Variants in ROBO1 observed in about 807,000 individuals in gnomAD.
The protein encoded by ROBO1 is roundabout homolog 1.
ROBO1 carries 149 observed loss-of-function variants against 195.9 expected under a neutral mutation model. The observed-to-expected ratio is 0.76, with a 90% CI of 0.67 to 0.87. The LOEUF (loss-of-function observed/expected upper bound fraction) is 0.87, where lower values mean the gene tolerates loss of function less well. Among genes scored for constraint, ROBO1 ranks in the 40% least tolerant of loss-of-function variants. ROBO1 has a pLI of 0.00. For missense variants in ROBO1, 1,933 were observed against 2,068.3 expected, an observed-to-expected ratio of 0.93 and a Z score of 1.27; for synonymous variants, 816 against 733.2, an observed-to-expected ratio of 1.11 and a Z score of -1.82.
chr3:79,240,939 G>A (rs1366764760), intron 2 of ROBO1, among the ~76,000 whole-genome samples: 3 of 152,110 alleles, frequency 2.0e-5, no homozygotes, highest in Non-Finnish European at 4.4e-5. Context: ...ACCTTGCCAT[G>A]CCTCATTTTT....
At chr3:79,391,844 C>G (rs780859416) in intron 2 of ROBO1, among the ~76,000 whole-genome samples, 1 of 152,034 alleles carries the variant, frequency 6.6e-6, no homozygotes, top group Non-Finnish European at 1.5e-5. Flanking sequence ...TTGGTTCAAA[C>G]AAAGTTCTTA....
chr3:78,709,232 G>GCATT (rs1461797733), intron 8 of ROBO1, among the ~76,000 whole-genome samples: 1 of 152,102 alleles, frequency 6.6e-6, no homozygotes, highest in Non-Finnish European at 1.5e-5. Flanking sequence ...ATCCCAAACA[G>GCATT]CATTGTTTCA....
chr3:78,902,601 C>T (rs2107481351), intron 4 of ROBO1, among the ~76,000 whole-genome samples: 1 of 152,124 alleles, frequency 6.6e-6, no homozygotes, highest in East Asian at 1.9e-4. Flanking sequence ...GTAATCCCAG[C>T]ACTTTGAGAG....
intron 2 of ROBO1, among the ~76,000 whole-genome samples, chr3:79,585,032 A>G (rs1357126478): frequency 1.3e-5 from 2 of 151,724 alleles, no homozygotes; most frequent in Non-Finnish European, 2.9e-5. Flanking sequence ...TGTAAAGGTA[A>G]GTTTTTGTTA....
intron 20 of ROBO1, among the ~76,000 whole-genome samples, 198 bp downstream of exon 20, chr3:78,647,431 T>C (rs576117473): frequency 6.6e-6 from 1 of 152,112 alleles, no homozygotes; most frequent in South Asian, 2.1e-4. Flanking sequence ...GAATAAATAA[T>C]TGCATCGAAT....
chr3:78,837,235 C>T (rs971652415), intron 4 of ROBO1, among the ~76,000 whole-genome samples: 7 of 152,022 alleles, frequency 4.6e-5, no homozygotes, highest in South Asian at 2.1e-4. Flanking sequence ...CCATTCCTAA[C>T]GTAAGCACAA....
chr3:78,681,878 G>A (rs1346588765), intron 10 of ROBO1, among the ~76,000 whole-genome samples: 1 of 152,000 alleles, frequency 6.6e-6, no homozygotes. Flanking sequence ...CTCCAGCCTC[G>A]GCGACTCAGT....
intron 2 of ROBO1, among the ~76,000 whole-genome samples, chr3:79,457,942 G>T (rs1370357916): frequency 6.6e-6 from 1 of 152,096 alleles, no homozygotes; most frequent in African/African-American, 2.4e-5. Context: ...CTCTGATCTG[G>T]CTCACAGTTT....
chr3:79,014,446 C>T (rs1258889761), intron 3 of ROBO1, among the ~76,000 whole-genome samples: 1 of 152,170 alleles, frequency 6.6e-6, no homozygotes, highest in Non-Finnish European at 1.5e-5. Flanking sequence ...ACACTCCAGC[C>T]TGGGCGACAG....
At chr3:79,620,989 G>C (rs1049469334) in intron 1 of ROBO1, among the ~76,000 whole-genome samples, 5 of 152,012 alleles carry the variant, frequency 3.3e-5, no homozygotes, top group African/African-American at 1.2e-4. Context: ...CCACCCCATG[G>C]TGCCAAACCC....
At chr3:79,021,258 T>C (rs879624266) in intron 3 of ROBO1, among the ~76,000 whole-genome samples, 13 of 152,164 alleles carry the variant, frequency 8.5e-5, no homozygotes, top group Admixed American at 7.9e-4. Context: ...GTGAAAAACA[T>C]AGAATATATC....
chr3:79,354,520 G>T (rs1474678920), intron 2 of ROBO1, among the ~76,000 whole-genome samples: 1 of 152,058 alleles, frequency 6.6e-6, no homozygotes, highest in Non-Finnish European at 1.5e-5. Flanking sequence ...CAGTGCTATA[G>T]TCCACATTTT....
chr3:78,964,775 G>T (rs1342327665), intron 3 of ROBO1, among the ~76,000 whole-genome samples: 1 of 149,784 alleles, frequency 6.7e-6, no homozygotes, highest in Non-Finnish European at 1.5e-5. Flanking sequence ...AGTTTTAGGG[G>T]TCTAAAAGAG....
chr3:78,747,575 T>A (rs958029702), intron 4 of ROBO1, among the ~76,000 whole-genome samples: 2 of 152,126 alleles, frequency 1.3e-5, no homozygotes, highest in Admixed American at 1.3e-4. Context: ...ATGTTCTATG[T>A]TTTTGTTGTT....
At chr3:78,603,486 A>C (rs942897820) in intron 29 of ROBO1, among the ~76,000 whole-genome samples, 2 of 152,188 alleles carry the variant, frequency 1.3e-5, no homozygotes, top group African/African-American at 4.8e-5. Flanking sequence ...AGCCCCTTGA[A>C]GTCAAGGTTT....
Position 79,700,825 on chromosome 3 carries a change from G to A in ROBO1, c.-51+66927C>T, listed in dbSNP as rs143705365. 1.2e-3 allele frequency among the ~76,000 whole-genome samples: 183 copies of A among 151,740 alleles called. 2 individuals are homozygous for A. The Middle Eastern group carries it at 0.014, about 11-fold the overall frequency. On this transcript the variant is annotated intron_variant, in intron 1 of 30. Coordinates refer to ENST00000464233, the MANE Select transcript of ROBO1 (RefSeq NM_002941.4). ...TTTTCTCCCATTCTGTGGGTTGTCC[G>A]TTAATGCTGTTTTTAGTTTCAATTT...
chr3:79,553,105 A>G (rs1259933655), intron 2 of ROBO1, among the ~76,000 whole-genome samples: 1 of 152,036 alleles, frequency 6.6e-6, no homozygotes, highest in African/African-American at 2.4e-5. Flanking sequence ...GTTGTCAGAG[A>G]GCCCTATTGA....
chr3:79,764,247 C>T (rs1704865173), intron 1 of ROBO1, among the ~76,000 whole-genome samples: 1 of 152,136 alleles, frequency 6.6e-6, no homozygotes, highest in Non-Finnish European at 1.5e-5. Context: ...CCTCAATTTC[C>T]TATAGAATTA....
intron 3 of ROBO1, among the ~76,000 whole-genome samples, chr3:79,041,454 A>T (rs2078485888): frequency 6.6e-6 from 1 of 151,964 alleles, no homozygotes; most frequent in Non-Finnish European, 1.5e-5. Flanking sequence ...AAAAGCAATT[A>T]TTAGTCCTAT....
Sources: gnomAD v4.1 joint callset for allele counts (sites outside exome capture counted in the v4.1 genomes callset) on GRCh38, gnomAD v4.1.1 for gene constraint, MANE v1.5 for transcripts, NCBI Gene and HGNC (gene_info 2026-07-23, HGNC 2026-07-21) for gene names.